Variants in KLRG1 observed in about 807,000 individuals in gnomAD.
KLRG1 encodes killer cell lectin-like receptor subfamily G member 1.
Under a neutral mutation model 21.8 loss-of-function variants are expected in KLRG1, and 16 were observed. The ratio of observed to expected loss-of-function variants is 0.73; its 90% CI spans 0.50 to 1.11. The LOEUF is 1.11. KLRG1 is among the 50% of genes most tolerant of loss of function. The pLI is 0.00. For synonymous variants in KLRG1, 69 were observed against 75.9 expected (o/e 0.91, Z 0.47); for missense variants, 173 against 218.3 (o/e 0.79, Z 1.31).
rs1273239582 is a variant in KLRG1 at position 9,009,968 on chromosome 12, G to T, written c.*431G>T. 22 of 1,531,440 alleles carry T rather than the reference G, an allele frequency of 1.4e-5. No individual in the cohort carries two copies. The highest frequency in any genetic ancestry group is 1.8e-4 in the Middle Eastern group (1 of 5,544). The allele number at this position is 1,531,440 out of a possible 1,614,324, so 94.9% of individuals were successfully genotyped here. A position where few individuals can be genotyped will look rare whatever the true frequency, so the allele number is the denominator to read the frequency against. On this transcript the variant is annotated 3_prime_UTR_variant, in exon 5 of 5. Transcript: ENST00000356986. Reference sequence around the variant, plus strand: ...TTGCTGTACTCCTCTGTACATTACTGATCCCTGATGGTATATTTCTATCCT... The same window carrying T: ...TTGCTGTACTCCTCTGTACATTACTTATCCCTGATGGTATATTTCTATCCT...
the KLRG1 span, chr12:9,160,276 T>C: frequency 5.6e-3 from 8,766 of 1,556,848 alleles, 93 homozygotes; most frequent in South Asian, 0.03. Flanking sequence ...AAAAGTTTCA[T>C]TAGAGTAACA....
intron 3 of KLRG1, among the ~76,000 whole-genome samples, chr12:9,006,118 A>G (rs1947464524): frequency 6.6e-6 from 1 of 152,148 alleles, no homozygotes; most frequent in African/African-American, 2.4e-5. Context: ...AGAAATAGTA[A>G]ATGTTTGAAG....
the KLRG1 span, chr12:9,090,334 T>C: frequency 1.2e-6 from 2 of 1,613,946 alleles, no homozygotes; most frequent in Non-Finnish European, 1.7e-6. Context: ...TAGAGAATTA[T>C]CTCTAGCAGT....
the KLRG1 span, chr12:9,052,901 A>T: frequency 4.6e-6 from 2 of 430,912 alleles, no homozygotes; most frequent in Admixed American, 5.8e-5. Context: ...ATTGCCTTTT[A>T]AAAAATTAAC....
chr12:8,990,960 A>T (rs1946948393), intron 1 of KLRG1, among the ~76,000 whole-genome samples: 1 of 152,172 alleles, frequency 6.6e-6, no homozygotes, highest in Non-Finnish European at 1.5e-5. Flanking sequence ...CCAAATATTT[A>T]TTATGCAGAA....
At chr12:9,121,288 C>G in the KLRG1 span, among the ~76,000 whole-genome samples, 4 of 152,100 alleles carry the variant, frequency 2.6e-5, no homozygotes, top group Non-Finnish European at 5.9e-5. This position sits in a 1 kb window ranked among gnomAD's most constrained non-coding sequence, Gnocchi z 4.4. Context: ...TCAAAATTAT[C>G]AAAAAGCACT....
At chr12:8,975,189 C>T (rs1946638754) in intron 1 of KLRG1, among the ~76,000 whole-genome samples, 1 of 152,060 alleles carries the variant, frequency 6.6e-6, no homozygotes. Context: ...TATGAGCCAC[C>T]ACACCCAGCC....
chr12:9,129,796 C>A, the KLRG1 span, among the ~76,000 whole-genome samples: 1 of 152,174 alleles, frequency 6.6e-6, no homozygotes, highest in African/African-American at 2.4e-5. Flanking sequence ...GATCCACCCG[C>A]GTCGGCCTCC....
the KLRG1 span, chr12:9,079,864 T>C: frequency 2.8e-6 from 4 of 1,452,866 alleles, no homozygotes; most frequent in Admixed American, 1.0e-4. Context: ...GATTATCATC[T>C]ATCAAAGTCA....
the KLRG1 span, chr12:9,079,366 T>C: frequency 6.5e-7 from 1 of 1,548,364 alleles, no homozygotes. Context: ...GCACAATGGA[T>C]TAATGTGCAT....
chr12:9,059,452 C>T, the KLRG1 span, among the ~76,000 whole-genome samples: 3 of 152,182 alleles, frequency 2.0e-5, no homozygotes, highest in South Asian at 2.1e-4. Flanking sequence ...TTTATTCTTA[C>T]ATTGGATTAA....
the KLRG1 span, among the ~76,000 whole-genome samples, chr12:9,131,868 A>G: frequency 1.3e-5 from 2 of 152,018 alleles, no homozygotes; most frequent in Non-Finnish European, 2.9e-5. Context: ...TTTTCCAAGC[A>G]GACTGTGGCA....
At chr12:9,140,381 G>A in the KLRG1 span, among the ~76,000 whole-genome samples, 19 of 152,116 alleles carry the variant, frequency 1.2e-4, no homozygotes, top group Non-Finnish European at 2.2e-4. Context: ...TTATTTAGCA[G>A]TGTTTCTTAC....
At chr12:9,081,646 C>T in the KLRG1 span, among the ~76,000 whole-genome samples, 1 of 152,154 alleles carries the variant, frequency 6.6e-6, no homozygotes, top group Non-Finnish European at 1.5e-5. Flanking sequence ...GTCATTGTTC[C>T]CACTCCTTTA....
chr12:8,983,677 A>C (rs1946796898), intron 1 of KLRG1, among the ~76,000 whole-genome samples: 1 of 152,152 alleles, frequency 6.6e-6, no homozygotes, highest in Non-Finnish European at 1.5e-5. Flanking sequence ...GTGGGATTAC[A>C]GCCGTGAACC....
chr12:9,078,260 T>C, the KLRG1 span, among the ~76,000 whole-genome samples: 1 of 136,182 alleles, frequency 7.3e-6, no homozygotes. Context: ...TCTCATTGCT[T>C]AACTCCCACT....
chr12:9,199,459 A>G, the KLRG1 span, among the ~76,000 whole-genome samples: 2 of 152,142 alleles, frequency 1.3e-5, no homozygotes, highest in African/African-American at 4.8e-5. Context: ...AATTTGTTCT[A>G]CCATTGCACT....
the KLRG1 span, among the ~76,000 whole-genome samples, chr12:9,142,415 A>T: frequency 6.6e-6 from 1 of 152,236 alleles, no homozygotes; most frequent in Non-Finnish European, 1.5e-5. Flanking sequence ...AGAGATAAGT[A>T]TGAAATTGCT....
At chr12:9,209,341 A>C in the KLRG1 span, among the ~76,000 whole-genome samples, 1 of 151,994 alleles carries the variant, frequency 6.6e-6, no homozygotes, top group South Asian at 2.1e-4. Context: ...CTGAAAGTGG[A>C]TTCCTTCCTA....
Sources: allele counts gnomAD v4.1 joint callset (sites outside exome capture counted in the v4.1 genomes callset), GRCh38; gene constraint gnomAD v4.1.1; non-coding constraint Gnocchi (gnomAD v3.1); transcripts MANE v1.5; gene names NCBI Gene and HGNC (gene_info 2026-07-23, HGNC 2026-07-21).